The following KCNIP4 variants were observed in gnomAD, a reference collection of about 807,000 sequenced individuals.
KCNIP4 encodes Kv channel-interacting protein 4.
KCNIP4 carries 12 observed loss-of-function variants against 34.0 expected under a neutral mutation model. That is an observed-to-expected ratio of 0.35 (90% CI 0.23 to 0.57). KCNIP4 has a LOEUF of 0.57. Among genes scored for constraint, KCNIP4 ranks in the 20% least tolerant of loss-of-function variants. The pLI, the probability that KCNIP4 is intolerant of heterozygous loss-of-function variation, is 0.83. For synonymous variants in KCNIP4, 124 were observed against 102.2 expected (o/e 1.21, Z -1.29); for missense variants, 238 against 311.7 (o/e 0.76, Z 1.78).
chr4:21,373,750 T>C (rs1321522375), intron 1 of KCNIP4, among the ~76,000 whole-genome samples: 3 of 147,084 alleles, frequency 2.0e-5, no homozygotes, highest in Non-Finnish European at 4.4e-5. Flanking sequence ...TTGTTGCTCA[T>C]GCTGGAGTGC....
intron 1 of KCNIP4, among the ~76,000 whole-genome samples, chr4:21,414,056 C>A (rs1053598864): frequency 3.3e-5 from 5 of 152,038 alleles, no homozygotes; most frequent in African/African-American, 1.2e-4. Flanking sequence ...ACGAAAAAAT[C>A]TTGGCCTTAC....
intron 1 of KCNIP4, among the ~76,000 whole-genome samples, chr4:21,337,516 C>T (rs1039579295): frequency 6.6e-6 from 1 of 152,080 alleles, no homozygotes; most frequent in Non-Finnish European, 1.5e-5. Flanking sequence ...TGAATTTTAT[C>T]AGGTGGTTTA....
chr4:21,180,922 A>G (rs1754793636), intron 1 of KCNIP4, among the ~76,000 whole-genome samples: 1 of 152,152 alleles, frequency 6.6e-6, no homozygotes, highest in Admixed American at 6.6e-5. Context: ...TTAAAAGTTT[A>G]TACTGAAAGG....
At chr4:21,201,525 C>G (rs1756493249) in intron 1 of KCNIP4, among the ~76,000 whole-genome samples, 2 of 152,176 alleles carry the variant, frequency 1.3e-5, no homozygotes, top group African/African-American at 2.4e-5. Flanking sequence ...GAGATGGACT[C>G]TCGCTCTCTG....
intron 1 of KCNIP4, among the ~76,000 whole-genome samples, chr4:21,886,741 G>A (rs1241975673): frequency 6.6e-6 from 1 of 152,134 alleles, no homozygotes; most frequent in East Asian, 1.9e-4. Flanking sequence ...TATTCTCAGT[G>A]AAGTAAATGC....
intron 1 of KCNIP4, among the ~76,000 whole-genome samples, chr4:21,325,748 T>G (rs755890368): frequency 2.0e-5 from 3 of 151,948 alleles, no homozygotes; most frequent in Non-Finnish European, 4.4e-5. Context: ...TAAATTTTCC[T>G]CTTAAGACTC....
At chr4:21,040,393 C>T (rs977367804) in intron 1 of KCNIP4, among the ~76,000 whole-genome samples, 1 of 152,106 alleles carries the variant, frequency 6.6e-6, no homozygotes, top group Non-Finnish European at 1.5e-5. Context: ...TCATGAACAT[C>T]TTAAGGTGAA....
Position 21,853,519 on chromosome 4 carries a change from T to C in KCNIP4, c.61+95052A>G, listed in dbSNP as rs146360487. Among the ~76,000 whole-genome samples the C allele has an allele frequency of 2.2e-3, 331 of 152,326 alleles. 1 individual carries two copies. Among genetic ancestry groups the C allele is most frequent in the Admixed American group, 6.7e-3 (102 of 15,304 alleles). ...ATAGAAATCAGTGTTTCCATGATCA[T>C]TTGTTAATTCAATTAACATTTTCTG... On this transcript the variant is annotated intron_variant, in intron 1 of 8. Coordinates refer to ENST00000382152, the MANE Select transcript of KCNIP4 (RefSeq NM_025221.6).
At chr4:21,272,451 A>G (rs1762209908) in intron 1 of KCNIP4, among the ~76,000 whole-genome samples, 1 of 152,158 alleles carries the variant, frequency 6.6e-6, no homozygotes, top group South Asian at 2.1e-4. Context: ...ATGGCAAACT[A>G]TTAGATAGAG....
intron 1 of KCNIP4, among the ~76,000 whole-genome samples, chr4:21,856,915 T>A (rs2109344585): frequency 6.6e-6 from 1 of 152,244 alleles, no homozygotes; most frequent in East Asian, 1.9e-4. Flanking sequence ...TGCCTTGGAC[T>A]CCTCCAGACT....
Position 21,025,543 on chromosome 4 carries a change from G to GTTTTTTTTTTTTTTTTTTTTTTTTTT in KCNIP4, c.62-142860_62-142835dup, listed in dbSNP as rs772689134. Among the ~76,000 whole-genome samples the GTTTTTTTTTTTTTTTTTTTTTTTTTT allele has an allele frequency of 5.8e-5, 2 of 34,778 alleles. 1 individual carries two copies. The highest frequency in any genetic ancestry group is 2.0e-4 in the African/African-American group (2 of 9,962). The allele number at this position is 34,778 out of a possible 152,430, so 22.8% of individuals were successfully genotyped here. On this transcript the variant is annotated intron_variant, in intron 1 of 8. Transcript: ENST00000382152. Reference sequence around the variant, plus strand: ...TGCAAAAAGGTCACTCATTGATACTGTTTTTTTTTTTTTTTTTTTTTTTTT... The same window carrying GTTTTTTTTTTTTTTTTTTTTTTTTTT: ...TGCAAAAAGGTCACTCATTGATACTGTTTTTTTTTTTTTTTTTTTTTTTTTTTTTTTTTTTTTTTTTTTTTTTTTTT...
rs548895701 is a variant in KCNIP4 at position 21,732,736 on chromosome 4, CA to C, written c.61+215834del. ...ATACATTCGCCTCTCAAGGTGGCAT[CA>C]GGGGAAGGAGAATACCAGTGCTGAA... On this transcript the variant is annotated intron_variant, in intron 1 of 8. Transcript: ENST00000382152. Among the ~76,000 whole-genome samples, 6 of 152,224 alleles carry C rather than the reference CA, an allele frequency of 3.9e-5. No homozygotes were observed. The South Asian group carries it at 1.2e-3, about 32-fold the overall frequency.
intron 1 of KCNIP4, among the ~76,000 whole-genome samples, chr4:21,402,333 G>T (rs145009748): frequency 1.3e-5 from 2 of 152,130 alleles, no homozygotes; most frequent in Non-Finnish European, 2.9e-5. Flanking sequence ...TATTTCTTCC[G>T]TGAATAGAAA....
intron 1 of KCNIP4, among the ~76,000 whole-genome samples, chr4:21,065,726 CTATATATATATATATATATATATATA>C (rs5856598): frequency 2.3e-5 from 2 of 86,354 alleles, no homozygotes; most frequent in Non-Finnish European, 4.5e-5. Flanking sequence ...TATCATTTGT[CTATATATATATATATATATATATATA>C]TATATATATA....
intron 1 of KCNIP4, among the ~76,000 whole-genome samples, chr4:21,587,425 TA>T (rs1242806422): frequency 2.0e-5 from 3 of 152,060 alleles, no homozygotes; most frequent in African/African-American, 7.2e-5. Context: ...TCACTCCATT[TA>T]ATTTCTGCAT....
intron 1 of KCNIP4, chr4:21,582,006 AAGAATAGAATAGAAT>A (rs1170134097): frequency 5.2e-5 from 5 of 96,486 alleles, no homozygotes; most frequent in Admixed American, 1.1e-4. Context: ...TAGGGCATAG[AAGAATAGAATAGAAT>A]AGAATAGAAT....
chr4:21,802,798 A>T (rs34825575), intron 1 of KCNIP4, among the ~76,000 whole-genome samples: 58,168 of 152,042 alleles, frequency 0.38, 12,657 homozygotes, highest in Non-Finnish European at 0.51. Context: ...GATATCATAC[A>T]TATCATCACA....
At chr4:20,750,106 C>T (rs972633405) in intron 4 of KCNIP4, among the ~76,000 whole-genome samples, 14 of 152,326 alleles carry the variant, frequency 9.2e-5, no homozygotes, top group East Asian at 7.7e-4. Context: ...ACTAAAAATA[C>T]TACCAATGAG....
chr4:20,880,479 A>AT (rs1309769693), intron 2 of KCNIP4, among the ~76,000 whole-genome samples: 2 of 151,680 alleles, frequency 1.3e-5, no homozygotes, highest in Non-Finnish European at 2.9e-5. Context: ...AGTATTTTCT[A>AT]TTTTTTTTCC....
Sources: allele counts gnomAD v4.1 joint callset (sites outside exome capture counted in the v4.1 genomes callset), GRCh38; gene constraint gnomAD v4.1.1; transcripts MANE v1.5; gene names NCBI Gene and HGNC (gene_info 2026-07-23, HGNC 2026-07-21).